The following COLEC12 variants were observed in gnomAD, a reference collection of about 807,000 sequenced individuals.
COLEC12 encodes collectin subfamily member 12, also known as collectin-12.
Under a neutral mutation model 71.1 loss-of-function variants are expected in COLEC12, and 33 were observed. The ratio of observed to expected loss-of-function variants is 0.46; its 90% confidence interval spans 0.35 to 0.62. The LOEUF (loss-of-function observed/expected upper bound fraction) is 0.62, where lower values mean the gene tolerates loss of function less well. Among genes scored for constraint, COLEC12 ranks in the 20% least tolerant of loss-of-function variants. The pLI is 0.00. For synonymous variants in COLEC12, 350 were observed against 353.0 expected (o/e 0.99, Z 0.10); for missense variants, 765 against 916.1 (o/e 0.84, Z 2.13).
intron 2 of COLEC12, among the ~76,000 whole-genome samples, chr18:451,746 C>CAA (rs58169259): frequency 8.7e-5 from 12 of 138,542 alleles, no homozygotes; most frequent in Middle Eastern, 7.3e-3. Flanking sequence ...GACTCCATCT[C>CAA]AAAAAAAAAA....
intron 2 of COLEC12, among the ~76,000 whole-genome samples, chr18:441,554 G>A (rs1413975403): frequency 5.3e-5 from 8 of 152,144 alleles, no homozygotes; most frequent in South Asian, 2.1e-4. Context: ...TGACGAGGAC[G>A]CTGTCCATAT....
intron 2 of COLEC12, among the ~76,000 whole-genome samples, chr18:428,093 C>T (rs771117571): frequency 3.3e-5 from 5 of 151,666 alleles, no homozygotes; most frequent in Non-Finnish European, 7.4e-5. Context: ...GGTGAAACCC[C>T]ATCTCTACTA....
intron 3 of COLEC12, among the ~76,000 whole-genome samples, chr18:353,432 A>G (rs959317369): frequency 2.4e-4 from 36 of 152,182 alleles, no homozygotes; most frequent in African/African-American, 8.2e-4. Flanking sequence ...TGGAAGGTTT[A>G]ACTCCAAAAT....
intron 2 of COLEC12, among the ~76,000 whole-genome samples, chr18:361,310 C>T (rs973917357): frequency 2.6e-5 from 4 of 152,140 alleles, no homozygotes; most frequent in African/African-American, 7.2e-5. Flanking sequence ...CTAGATGCCA[C>T]GATCTCTCCA....
chr18:340,074 C>CAAAAAAAAAAAAAAAAAAAAAAAAAA (rs60991743), intron 5 of COLEC12, among the ~76,000 whole-genome samples: 1 of 94,208 alleles, frequency 1.1e-5, no homozygotes, highest in African/African-American at 4.1e-5. Flanking sequence ...TGCCTGAAAG[C>CAAAAAAAAAAAAAAAAAAAAAAAAAA]AAAAAAAAAA....
chr18:371,361 A>G (rs1473998604), intron 2 of COLEC12, among the ~76,000 whole-genome samples: 1 of 152,182 alleles, frequency 6.6e-6, no homozygotes. Context: ...ATAGAAGTCA[A>G]TCTTCTTGAC....
intron 2 of COLEC12, among the ~76,000 whole-genome samples, chr18:401,314 C>G (rs1377640424): frequency 6.6e-6 from 1 of 152,224 alleles, no homozygotes; most frequent in Non-Finnish European, 1.5e-5. Flanking sequence ...TTCTTCAGAT[C>G]TGTTGCCATT....
chr18:331,618 A>G (rs371390373), intron 8 of COLEC12, 50 bp downstream of exon 8: 7 of 1,210,796 alleles, frequency 5.8e-6, no homozygotes, highest in African/African-American at 1.5e-5. Context: ...AGAAGTGACA[A>G]CAGAACAGTG....
At chr18:343,815 C>A (rs575493080) in intron 5 of COLEC12, among the ~76,000 whole-genome samples, 1 of 152,134 alleles carries the variant, frequency 6.6e-6, no homozygotes, top group East Asian at 1.9e-4. Flanking sequence ...TATAAACTGG[C>A]GATGACATTG....
At chr18:412,060 T>A (rs1239155550) in intron 2 of COLEC12, among the ~76,000 whole-genome samples, 1 of 151,958 alleles carries the variant, frequency 6.6e-6, no homozygotes, top group East Asian at 1.9e-4. Context: ...GAAGAAAAAA[T>A]GGCTGAACAC....
intron 1 of COLEC12, among the ~76,000 whole-genome samples, chr18:482,738 A>T (rs1208847027): frequency 2.6e-5 from 4 of 152,024 alleles, no homozygotes; most frequent in African/African-American, 9.7e-5. Context: ...CAGCCTCCCA[A>T]GTAACTGGGA....
intron 2 of COLEC12, among the ~76,000 whole-genome samples, chr18:440,990 T>A (rs1041471479): frequency 6.6e-6 from 1 of 152,120 alleles, no homozygotes; most frequent in African/African-American, 2.4e-5. Context: ...GGCTCACGCC[T>A]GTAATCCCAG....
intron 2 of COLEC12, among the ~76,000 whole-genome samples, chr18:366,343 T>C (rs1242329850): frequency 6.6e-6 from 1 of 152,212 alleles, no homozygotes; most frequent in Non-Finnish European, 1.5e-5. Flanking sequence ...TGCATAGCTA[T>C]GGTCTCTGAC....
chr18:319,988 G>A lies in COLEC12; in HGVS notation c.*57C>T. The A allele has an allele frequency of 9.6e-7, 1 of 1,037,416 alleles. No homozygotes were observed. Among genetic ancestry groups the A allele is most frequent in the Non-Finnish European group, 1.5e-6 (1 of 684,794 alleles). 64.3% of individuals were successfully genotyped at this position (1,037,416 alleles called of 1,614,324 possible). On this transcript the variant is annotated 3_prime_UTR_variant, in exon 10 of 10. Coordinates refer to ENST00000400256, the MANE Select transcript of COLEC12 (RefSeq NM_130386.3). ...ATGAGAAGGTGATGCAATTAGAAAG[G>A]AGTGTCCTTTGCCTTTGAGAGCTGA... is the stretch of plus-strand genomic sequence containing the variant.
chr18:487,127 T>C (rs1917534206), intron 1 of COLEC12, among the ~76,000 whole-genome samples: 1 of 152,218 alleles, frequency 6.6e-6, no homozygotes, highest in Non-Finnish European at 1.5e-5. Context: ...CAGTGGAATA[T>C]TATTCAGCAA....
At position 377,515 on chromosome 18, in the gene COLEC12, C is replaced by T. The variant is rs188362761; in HGVS notation, c.59-19993G>A. On this transcript the variant is annotated intron_variant, in intron 2 of 9. Transcript: ENST00000400256. ...TGGGCAGCACAGAAGCCACCTTTCT[C>T]GCCCCTTCCAGCAATGCTTATTCTT... 1.4e-3 allele frequency among the ~76,000 whole-genome samples: 218 copies of T among 152,314 alleles called. 1 individual carries two copies. Among genetic ancestry groups the T allele is most frequent in the African/African-American group, 5.1e-3 (210 of 41,574 alleles).
At chr18:387,561 G>A (rs1475257291) in intron 2 of COLEC12, among the ~76,000 whole-genome samples, 2 of 151,886 alleles carry the variant, frequency 1.3e-5, no homozygotes, top group Non-Finnish European at 2.9e-5. Context: ...ATGTTTGAAG[G>A]CGTCAATGAC....
intron 5 of COLEC12, among the ~76,000 whole-genome samples, chr18:341,717 T>G (rs541258369): frequency 3.4e-4 from 52 of 152,230 alleles, no homozygotes; most frequent in Admixed American, 6.5e-5. Flanking sequence ...CATTAAGTAC[T>G]TTCTTTATAT....
chr18:478,015 A>C (rs1917338021), intron 2 of COLEC12, among the ~76,000 whole-genome samples: 1 of 152,162 alleles, frequency 6.6e-6, no homozygotes, highest in Non-Finnish European at 1.5e-5. Flanking sequence ...TAGGAACTGA[A>C]AACTCATTTA....
Sources: allele counts gnomAD v4.1 joint callset (sites outside exome capture counted in the v4.1 genomes callset), GRCh38; gene constraint gnomAD v4.1.1; transcripts MANE v1.5; gene names NCBI Gene and HGNC (gene_info 2026-07-23, HGNC 2026-07-21).